The following PARVB variants were observed in gnomAD, a reference collection of about 807,000 sequenced individuals.
The protein encoded by PARVB is beta-parvin.
Under a neutral mutation model 47.0 loss-of-function variants are expected in PARVB, and 46 were observed. The ratio of observed to expected loss-of-function variants is 0.98; its 90% confidence interval spans 0.77 to 1.25. The LOEUF is 1.25. PARVB is among the 50% of genes most tolerant of loss of function. The pLI is 0.00. For missense variants in PARVB, 473 were observed against 471.6 expected (o/e 1.00, Z -0.03); for synonymous variants, 196 against 196.3 (o/e 1.00, Z 0.01).
chr22:44,057,929 G>A (rs2051345970), intron 1 of PARVB, among the ~76,000 whole-genome samples: 1 of 152,024 alleles, frequency 6.6e-6, no homozygotes, highest in Non-Finnish European at 1.5e-5. Context: ...TGAGAGGGGT[G>A]GGGCTGAGAG....
chr22:44,076,227 AGCTGAGTCGTGGACTCCATGGCC>A (rs916718398), intron 1 of PARVB, among the ~76,000 whole-genome samples: 5 of 152,194 alleles, frequency 3.3e-5, no homozygotes, highest in Middle Eastern at 3.2e-3. Flanking sequence ...GCCCCATGGC[AGCTGAGTCGTGGACTCCATGGCC>A]GCTGATTTGG....
At chr22:44,117,205 A>G (rs1356829114) in intron 3 of PARVB, among the ~76,000 whole-genome samples, 1 of 152,074 alleles carries the variant, frequency 6.6e-6, no homozygotes, top group Non-Finnish European at 1.5e-5. Flanking sequence ...CGGCGCTGGA[A>G]GTTGCAGGAG....
intron 2 of PARVB, among the ~76,000 whole-genome samples, chr22:44,000,079 G>GT (rs1481549551): frequency 3.9e-5 from 6 of 152,172 alleles, no homozygotes; most frequent in Non-Finnish European, 8.8e-5. Flanking sequence ...TGTTGGGGCT[G>GT]TTTACCAAAT....
chr22:44,081,628 G>A (rs952499106), intron 1 of PARVB: 9 of 984,970 alleles, frequency 9.1e-6, no homozygotes, highest in South Asian at 4.7e-5. Context: ...TATGAAGTGC[G>A]TTTCTCTAAG....
chr22:44,016,099 C>T (rs865814212), intron 2 of PARVB, among the ~76,000 whole-genome samples: 3 of 129,180 alleles, frequency 2.3e-5, no homozygotes, highest in African/African-American at 5.9e-5. Flanking sequence ...TTCTTTCTTT[C>T]TTTTTTTTTT....
chr22:44,115,399 C>T (rs1410393761), intron 3 of PARVB: 1 of 114,898 alleles, frequency 8.7e-6, no homozygotes, highest in Non-Finnish European at 1.8e-5. Flanking sequence ...TACAGCAACA[C>T]AGATACATTG....
intron 1 of PARVB, among the ~76,000 whole-genome samples, chr22:44,051,521 AG>A (rs1262248595): frequency 6.6e-6 from 1 of 152,194 alleles, no homozygotes. Flanking sequence ...TAGCAACAGC[AG>A]GAAAAGGAAG....
rs146200110 is a variant in PARVB, at chr22:44,098,749, C to T, written c.203-1304C>T. On this transcript the variant is annotated intron_variant, in intron 2 of 12. Transcript: ENST00000338758. Reference sequence around the variant, plus strand: ...GTTGTCAGAGTTTACACTCTGCTGCCGGGAAGTTGCATCACATCCGTGTCA... The same window carrying T: ...GTTGTCAGAGTTTACACTCTGCTGCTGGGAAGTTGCATCACATCCGTGTCA... Among the ~76,000 whole-genome samples, 487 of 152,264 alleles carry T rather than the reference C, an allele frequency of 3.2e-3. 1 individual carries two copies. The highest frequency in any genetic ancestry group is 5.0e-3 in the South Asian group (24 of 4,820).
intron 2 of PARVB, among the ~76,000 whole-genome samples, chr22:44,004,557 G>A (rs2050445247): frequency 6.6e-6 from 1 of 152,142 alleles, no homozygotes; most frequent in Non-Finnish European, 1.5e-5. Context: ...AGGGTCACAA[G>A]ACCAATAAGT....
chr22:44,035,776 C>T (rs1329854218), intron 1 of PARVB, among the ~76,000 whole-genome samples: 2 of 151,450 alleles, frequency 1.3e-5, no homozygotes, highest in South Asian at 2.1e-4. Context: ...ATGAAAAATA[C>T]GTGGGAACCC....
At chr22:44,054,557 G>A (rs969240045) in intron 1 of PARVB, among the ~76,000 whole-genome samples, 1 of 152,166 alleles carries the variant, frequency 6.6e-6, no homozygotes, top group Non-Finnish European at 1.5e-5. Flanking sequence ...CAGTTGCCAG[G>A]GGCAGGGGTT....
chr22:44,039,722 A>G (rs895687937), intron 1 of PARVB: 4 of 384,406 alleles, frequency 1.0e-5, no homozygotes, highest in African/African-American at 2.1e-5. Flanking sequence ...TCAAGGAACA[A>G]GGTGCCGGTA....
intron 8 of PARVB, chr22:44,140,593 C>T (rs1329063025): frequency 3.8e-6 from 2 of 520,800 alleles, no homozygotes; most frequent in East Asian, 1.1e-4. Context: ...TAGCAGACTT[C>T]CTTAGAGTCA....
rs1201290535 is a variant in PARVB, at chr22:44,028,235, G to A, written c.112+3784G>A. 2.6e-5 allele frequency among the ~76,000 whole-genome samples: 4 copies of A among 152,142 alleles called. No homozygotes were observed. In the East Asian group the frequency reaches 7.7e-4, roughly 29 times the overall value. ...CAGTCACCTCTGGAGCAGCGTCACTGACCCCAGAATCCTCTTTCTGCTGCC... is the reference window on the plus strand; with the variant it reads ...CAGTCACCTCTGGAGCAGCGTCACTAACCCCAGAATCCTCTTTCTGCTGCC... On this transcript the variant is annotated intron_variant, in intron 1 of 12. Transcript: ENST00000338758.
chr22:44,092,362 G>C (rs1057086953), intron 1 of PARVB, among the ~76,000 whole-genome samples: 2 of 152,198 alleles, frequency 1.3e-5, no homozygotes, highest in Non-Finnish European at 2.9e-5. Context: ...ACCTGCCTCA[G>C]CCTCCCAAAG....
chr22:44,004,679 C>T (rs1328069219), intron 2 of PARVB, among the ~76,000 whole-genome samples: 2 of 152,198 alleles, frequency 1.3e-5, no homozygotes, highest in African/African-American at 4.8e-5. Flanking sequence ...AAGATGTTTA[C>T]AAGTAGAAAA....
chr22:44,095,017 G>C (rs1191351275), intron 2 of PARVB, among the ~76,000 whole-genome samples: 5 of 147,812 alleles, frequency 3.4e-5, no homozygotes, highest in Admixed American at 3.4e-4. Flanking sequence ...GAGGATATTG[G>C]CTGGGAGTGT....
chr22:44,079,906 G>A (rs974680132), intron 1 of PARVB, among the ~76,000 whole-genome samples: 6 of 152,070 alleles, frequency 3.9e-5, no homozygotes, highest in Non-Finnish European at 5.9e-5. Flanking sequence ...CCAGCCTGGG[G>A]GACAGAGCAA....
At chr22:44,106,567 T>G (rs1601609692) in intron 3 of PARVB, 2 of 152,154 alleles carry the variant, frequency 1.3e-5, no homozygotes, top group African/African-American at 4.8e-5. Context: ...GCTGTGGTGG[T>G]GTGGCCATTG....
Sources: gnomAD v4.1 joint callset for allele counts (sites outside exome capture counted in the v4.1 genomes callset) on GRCh38, gnomAD v4.1.1 for gene constraint, MANE v1.5 for transcripts, NCBI Gene and HGNC (gene_info 2026-07-23, HGNC 2026-07-21) for gene names.